CALN1: variants seen among roughly 807,000 people sequenced by gnomAD.
CALN1 encodes the protein calcium-binding protein 8.
A neutral mutation model predicts 30.6 loss-of-function variants in CALN1; 17 were observed. The ratio of observed to expected loss-of-function variants is 0.56; its 90% CI spans 0.38 to 0.83. The LOEUF (loss-of-function observed/expected upper bound fraction) is 0.83, where lower values mean the gene tolerates loss of function less well. Among genes scored for constraint, CALN1 ranks in the 40% least tolerant of loss-of-function variants. The probability of loss-of-function intolerance (pLI) is 0.00; values close to 1 mark genes in which losing one functional copy is unlikely to be tolerated. For synonymous variants in CALN1, 156 were observed against 131.4 expected (o/e 1.19, Z -1.28); for missense variants, 291 against 354.9 (o/e 0.82, Z 1.45).
At chr7:71,903,014 TA>T (rs35432626) in intron 5 of CALN1, among the ~76,000 whole-genome samples, 1 of 151,912 alleles carries the variant, frequency 6.6e-6, no homozygotes, top group South Asian at 2.1e-4. Context: ...AAAAATTACT[TA>T]AAAATTTTTT....
At position 72,095,460 on chromosome 7, in the gene CALN1, G is replaced by A. The variant is rs993839806; in HGVS notation, c.388+10691C>T. Among the ~76,000 whole-genome samples, 6 of 152,108 alleles carry A rather than the reference G, an allele frequency of 3.9e-5. No homozygotes were observed. The South Asian group carries it at 1.2e-3, about 32-fold the overall frequency. ...AGAGTGAAATACAAAAGAGTTTAAT[G>A]CTAATTATGCTTATTCACAAATGCA... On this transcript the variant is annotated intron_variant, in intron 4 of 6. Transcript: ENST00000395275.
intron 5 of CALN1, among the ~76,000 whole-genome samples, chr7:71,958,709 C>G (rs1483934632): frequency 6.6e-6 from 1 of 152,218 alleles, no homozygotes; most frequent in Non-Finnish European, 1.5e-5. Context: ...GCGTTGCCAT[C>G]CTTCAGAGCT....
intron 3 of CALN1, among the ~76,000 whole-genome samples, chr7:72,225,023 A>G (rs1793569745): frequency 6.6e-6 from 1 of 151,566 alleles, no homozygotes; most frequent in East Asian, 2.0e-4. Flanking sequence ...GCATGCATGA[A>G]CCCAGGAGGT....
At chr7:72,499,909 CTT>C in the CALN1 span, among the ~76,000 whole-genome samples, 3 of 40,126 alleles carry the variant, frequency 7.5e-5, no homozygotes, top group Non-Finnish European at 1.4e-4. Flanking sequence ...TTCTTTCTTT[CTT>C]TCTATCTTTC....
chr7:72,177,635 C>T (rs370274178), intron 3 of CALN1, among the ~76,000 whole-genome samples: 25 of 151,208 alleles, frequency 1.7e-4, no homozygotes, highest in African/African-American at 4.1e-4. Flanking sequence ...CGTGGTGGTG[C>T]ATGACTGTAA....
chr7:72,477,627 G>C, the CALN1 span, among the ~76,000 whole-genome samples: 3 of 152,106 alleles, frequency 2.0e-5, no homozygotes, highest in South Asian at 6.2e-4. Context: ...TTGCTTTGTT[G>C]TCCAGGCTGG....
chr7:72,387,888 T>G (rs181624905), intron 2 of CALN1, among the ~76,000 whole-genome samples: 1 of 151,904 alleles, frequency 6.6e-6, no homozygotes, highest in Admixed American at 6.6e-5. Context: ...TTGGGGAGAA[T>G]TGGGGGATAG....
At chr7:71,923,284 T>C (rs771270828) in intron 5 of CALN1, among the ~76,000 whole-genome samples, 2 of 152,188 alleles carry the variant, frequency 1.3e-5, no homozygotes, top group Non-Finnish European at 1.5e-5. Context: ...CTGTGCTCTG[T>C]TGATGCTTGC....
Position 72,312,953 on chromosome 7 carries a change from G to C in CALN1, c.120-34143C>G, listed in dbSNP as rs139054841. 8.0e-3 allele frequency among the ~76,000 whole-genome samples: 1,213 copies of C among 152,028 alleles called. 16 individuals are homozygous for C. Among genetic ancestry groups the C allele is most frequent in the Middle Eastern group, 0.037 (11 of 294 alleles). On this transcript the variant is annotated intron_variant, in intron 2 of 6. Coordinates refer to ENST00000395275, the MANE Select transcript of CALN1 (RefSeq NM_031468.4). Reference sequence around the variant, plus strand: ...GGGTTCAAATGATTCTCCTGCCTCAGCCTCCCAAGTAGCTGGGACTACAGG... The same window carrying C: ...GGGTTCAAATGATTCTCCTGCCTCACCCTCCCAAGTAGCTGGGACTACAGG...
In CALN1 at chr7:72,247,692, T is replaced by C. The variant is rs146662405; in HGVS notation, c.244+30994A>G. The stretch of plus-strand genomic sequence containing the variant: ...ACCAGTGATCACAAAGTTAGTGGCT[T>C]AGAACTATACAAATGTGGCCAGGCA... On this transcript the variant is annotated intron_variant, in intron 3 of 6. Transcript: ENST00000395275. Among the ~76,000 whole-genome samples, 1,089 of 152,268 alleles carry C rather than the reference T, an allele frequency of 7.2e-3. 17 individuals are homozygous for C. The highest frequency in any genetic ancestry group is 0.025 in the African/African-American group (1,035 of 41,542).
intron 2 of CALN1, among the ~76,000 whole-genome samples, chr7:72,282,292 A>G (rs575967425): frequency 1.3e-4 from 20 of 152,174 alleles, no homozygotes; most frequent in Admixed American, 9.8e-4. Flanking sequence ...ATAAATAAAT[A>G]TTTTCAACAG....
At chr7:71,846,900 TAATA>T (rs1004489313) in intron 5 of CALN1, among the ~76,000 whole-genome samples, 5 of 146,634 alleles carry the variant, frequency 3.4e-5, no homozygotes, top group Admixed American at 1.4e-4. Flanking sequence ...TATGTATATA[TAATA>T]TATACATACA....
intron 2 of CALN1, among the ~76,000 whole-genome samples, chr7:72,299,196 T>G (rs1160991935): frequency 6.6e-6 from 1 of 152,040 alleles, no homozygotes; most frequent in Non-Finnish European, 1.5e-5. Context: ...AAAGTATAAT[T>G]TCCTCCTTTT....
intron 2 of CALN1, among the ~76,000 whole-genome samples, chr7:72,395,043 G>C (rs1021043743): frequency 4.6e-5 from 7 of 152,124 alleles, no homozygotes; most frequent in Non-Finnish European, 1.0e-4. Flanking sequence ...ATGTGCCCCA[G>C]GAACGCCCTG....
At chr7:71,920,879 C>A (rs1001737813) in intron 5 of CALN1, among the ~76,000 whole-genome samples, 3 of 152,136 alleles carry the variant, frequency 2.0e-5, no homozygotes, top group Admixed American at 2.0e-4. Context: ...GATTATAAAT[C>A]ATTCTACAAT....
At chr7:72,360,501 C>T (rs1803507312) in intron 2 of CALN1, among the ~76,000 whole-genome samples, 1 of 151,566 alleles carries the variant, frequency 6.6e-6, no homozygotes, top group African/African-American at 2.4e-5. Context: ...AAATGGGTTT[C>T]ATAAAAGCCA....
intron 2 of CALN1, chr7:72,337,437 CA>C: frequency 5.4e-5 from 12 of 220,750 alleles, no homozygotes; most frequent in Non-Finnish European, 9.2e-5. Flanking sequence ...CACACACACA[CA>C]CACGCATGCA....
intron 5 of CALN1, among the ~76,000 whole-genome samples, chr7:71,923,278 GCT>G (rs1296342036): frequency 6.6e-6 from 1 of 152,110 alleles, no homozygotes; most frequent in African/African-American, 2.4e-5. Context: ...TTACTTCTGT[GCT>G]CTGTTGATGC....
chr7:72,189,305 T>C (rs1272256129), intron 3 of CALN1, among the ~76,000 whole-genome samples: 1 of 152,234 alleles, frequency 6.6e-6, no homozygotes, highest in Non-Finnish European at 1.5e-5. Flanking sequence ...TATCCGTGTA[T>C]TGTTTGGAGA....
Sources: allele counts gnomAD v4.1 joint callset (sites outside exome capture counted in the v4.1 genomes callset), GRCh38; gene constraint gnomAD v4.1.1; transcripts MANE v1.5; gene names NCBI Gene and HGNC (gene_info 2026-07-23, HGNC 2026-07-21).